FANK1: variants seen among roughly 807,000 people sequenced by gnomAD.
FANK1 encodes fibronectin type 3 and ankyrin repeat domains protein 1.
A neutral mutation model predicts 45.3 loss-of-function variants in FANK1; 44 were observed. The observed-to-expected ratio is 0.97, with a 90% confidence interval of 0.76 to 1.25. The LOEUF (loss-of-function observed/expected upper bound fraction) is 1.25, where lower values mean the gene tolerates loss of function less well. Among genes scored for constraint, FANK1 ranks in the 50% most tolerant of loss-of-function variants. The pLI is 0.00. For missense variants in FANK1, 391 were observed against 424.4 expected (o/e 0.92, Z 0.69); for synonymous variants, 149 against 152.5 (o/e 0.98, Z 0.17).
intron 1 of FANK1, among the ~76,000 whole-genome samples, chr10:125,956,068 G>T (rs1164489118): frequency 6.6e-6 from 1 of 152,134 alleles, no homozygotes; most frequent in African/African-American, 2.4e-5. Flanking sequence ...GAATCAGGAG[G>T]AAAATGGGGA....
At chr10:125,897,454 G>C (rs71219108) in intron 1 of FANK1, among the ~76,000 whole-genome samples, 1,202 of 130,146 alleles carry the variant, frequency 9.2e-3, no homozygotes, top group Middle Eastern at 0.022. Flanking sequence ...GTTTTGTATG[G>C]AGACTTAAAA....
intron 1 of FANK1, among the ~76,000 whole-genome samples, chr10:125,943,436 T>C (rs1339794464): frequency 6.6e-6 from 1 of 152,198 alleles, no homozygotes; most frequent in Non-Finnish European, 1.5e-5. Flanking sequence ...ATCACCATTA[T>C]CTATCTTCAA....
chr10:125,947,352 C>T (rs796084100), intron 1 of FANK1, among the ~76,000 whole-genome samples: 4 of 149,638 alleles, frequency 2.7e-5, no homozygotes, highest in Non-Finnish European at 4.5e-5. Context: ...CATCAGTGTG[C>T]TGTATTCAGG....
At chr10:126,003,960 ACCT>A (rs1232226625) in intron 6 of FANK1, among the ~76,000 whole-genome samples, 1 of 151,896 alleles carries the variant, frequency 6.6e-6, no homozygotes, top group Admixed American at 6.6e-5. Context: ...ACAGGGGTGA[ACCT>A]CTGTGCCTGG....
intron 1 of FANK1, among the ~76,000 whole-genome samples, chr10:125,933,043 A>T (rs990068527): frequency 2.6e-5 from 4 of 152,186 alleles, no homozygotes; most frequent in African/African-American, 4.8e-5. Flanking sequence ...CATCCCTGGT[A>T]TGAAATCCAT....
Position 125,924,363 on chromosome 10 carries a change from C to T in FANK1, c.13+27708C>T, listed in dbSNP as rs530754442. Among the ~76,000 whole-genome samples, 819 of 151,618 alleles carry T rather than the reference C, an allele frequency of 5.4e-3. 3 individuals are homozygous for T. Among genetic ancestry groups the T allele is most frequent in the Middle Eastern group, 0.01 (3 of 292 alleles). ...CCAGCTCCTGGGTTCAAGCAATTCTCCTGCCTCAGCCTCCCGAGTAGCTGG... is the reference window on the plus strand; with the variant it reads ...CCAGCTCCTGGGTTCAAGCAATTCTTCTGCCTCAGCCTCCCGAGTAGCTGG... On this transcript the variant is annotated intron_variant, in intron 1 of 10. Coordinates refer to ENST00000368693, the MANE Select transcript of FANK1 (RefSeq NM_145235.5).
At chr10:125,999,181 T>C (rs982018803) in intron 6 of FANK1, among the ~76,000 whole-genome samples, 1 of 150,562 alleles carries the variant, frequency 6.6e-6, no homozygotes, top group Non-Finnish European at 1.5e-5. Context: ...TAACTTGGCA[T>C]GTATGTTAAA....
intron 1 of FANK1, among the ~76,000 whole-genome samples, chr10:125,969,862 A>G (rs1950386983): frequency 6.6e-6 from 1 of 152,208 alleles, no homozygotes; most frequent in Non-Finnish European, 1.5e-5. Context: ...CATCTGTTTA[A>G]CAAAGCACAT....
chr10:125,954,917 T>A lies in FANK1; in HGVS notation c.14-25244T>A, dbSNP rs113729180. On this transcript the variant is annotated intron_variant, in intron 1 of 10. Coordinates refer to ENST00000368693, the MANE Select transcript of FANK1 (RefSeq NM_145235.5). ...GCCTGGGCAACAGAGTAAGACTGTC[T>A]CAAAAAAATAAATTAAAAAAAGGGG... Among the ~76,000 whole-genome samples, 47 of 151,594 alleles carry A rather than the reference T, an allele frequency of 3.1e-4. No individual in the cohort carries two copies. In the South Asian group the frequency reaches 9.4e-3, roughly 30 times the overall value.
chr10:125,974,103 C>G (rs1196668972), intron 1 of FANK1, among the ~76,000 whole-genome samples: 2 of 152,208 alleles, frequency 1.3e-5, no homozygotes, highest in Admixed American at 1.3e-4. Context: ...GTATTTTTAA[C>G]TCAGTTTCAG....
chr10:125,941,702 A>T (rs887595021), intron 1 of FANK1, among the ~76,000 whole-genome samples: 39 of 152,340 alleles, frequency 2.6e-4, no homozygotes, highest in Admixed American at 7.2e-4. Flanking sequence ...GAAATATAAC[A>T]CAGCAATGGA....
intron 1 of FANK1, among the ~76,000 whole-genome samples, chr10:125,952,961 A>G (rs528415199): frequency 2.6e-5 from 4 of 152,238 alleles, no homozygotes; most frequent in Admixed American, 2.0e-4. Flanking sequence ...CTCAGTGTAG[A>G]AAATGCTGTG....
chr10:125,968,982 TTTTA>T (rs1385084192), intron 1 of FANK1, among the ~76,000 whole-genome samples: 1 of 152,192 alleles, frequency 6.6e-6, no homozygotes, highest in African/African-American at 2.4e-5. Context: ...CATAAAATTG[TTTTA>T]TTTGTCAGAT....
At chr10:125,989,967 GGCCTCC>G in intron 3 of FANK1, among the ~76,000 whole-genome samples, 1 of 152,128 alleles carries the variant, frequency 6.6e-6, no homozygotes, top group East Asian at 1.9e-4. Flanking sequence ...ACCGCCCACA[GGCCTCC>G]TGCCACTGCA....
intron 2 of FANK1, among the ~76,000 whole-genome samples, chr10:125,984,510 G>T (rs1951430785): frequency 6.6e-6 from 1 of 152,170 alleles, no homozygotes; most frequent in African/African-American, 2.4e-5. Context: ...TAATAACAGA[G>T]ATGGGGAAGA....
At chr10:125,948,381 A>T (rs1948959913) in intron 1 of FANK1, among the ~76,000 whole-genome samples, 1 of 152,194 alleles carries the variant, frequency 6.6e-6, no homozygotes, top group Admixed American at 6.5e-5. Flanking sequence ...AAGACTAATA[A>T]AGAAAAAGAG....
chr10:125,912,549 C>CT (rs1205263771), intron 1 of FANK1, among the ~76,000 whole-genome samples: 1 of 151,768 alleles, frequency 6.6e-6, no homozygotes, highest in Non-Finnish European at 1.5e-5. Flanking sequence ...AACTTCAATT[C>CT]ATTGCTTTTT....
intron 1 of FANK1, among the ~76,000 whole-genome samples, chr10:125,975,160 C>T (rs151062308): frequency 1.2e-3 from 183 of 152,254 alleles, no homozygotes; most frequent in African/African-American, 3.8e-3. Context: ...TCCATGTTCC[C>T]GCACAAGACC....
At chr10:125,995,691 T>TA (rs1952277335) in intron 4 of FANK1, 193 bp downstream of exon 4, 3 of 543,828 alleles carry the variant, frequency 5.5e-6, no homozygotes, top group Non-Finnish European at 6.6e-6. Context: ...ATGTAAATGT[T>TA]ATATTTTGTG....
Sources: allele counts gnomAD v4.1 joint callset (sites outside exome capture counted in the v4.1 genomes callset), GRCh38; gene constraint gnomAD v4.1.1; transcripts MANE v1.5; gene names NCBI Gene and HGNC (gene_info 2026-07-23, HGNC 2026-07-21).